Variants in TTN observed in about 807,000 individuals in gnomAD.
The protein encoded by TTN is connectin.
Under a neutral mutation model 3,223.0 loss-of-function variants are expected in TTN, and 1,525 were observed. That is an observed-to-expected ratio of 0.47 (90% CI 0.45 to 0.49). The LOEUF (loss-of-function observed/expected upper bound fraction) is 0.49, where lower values mean the gene tolerates loss of function less well. Ranked by LOEUF, TTN falls within the 20% of genes least tolerant of loss-of-function variation. The pLI, the probability that TTN is intolerant of heterozygous loss-of-function variation, is 0.00. For synonymous variants in TTN, 14,094 were observed against 15,161.0 expected, an observed-to-expected ratio of 0.93 and a Z score of 5.17; for missense variants, 40,786 against 43,424.0, an observed-to-expected ratio of 0.94 and a Z score of 5.40.
rs765570520 is a variant in TTN, at chr2:178,686,113, A to ATTTTTTTTTTTTTTTT, written c.32312-531_32312-516dup. Among the ~76,000 whole-genome samples the ATTTTTTTTTTTTTTTT allele has an allele frequency of 4.4e-4, 34 of 77,800 alleles. 5 individuals are homozygous for ATTTTTTTTTTTTTTTT. Among genetic ancestry groups the ATTTTTTTTTTTTTTTT allele is most frequent in the African/African-American group, 1.9e-3 (28 of 15,086 alleles). 51.0% of individuals were successfully genotyped at this position (77,800 alleles called of 152,430 possible). On this transcript the variant is annotated intron_variant, in intron 127 of 362. Coordinates refer to ENST00000589042, the MANE Select transcript of TTN (RefSeq NM_001267550.2). ...TTGAGCCTAAGTGTATACAGTTTTAATTTTTTTTTTTTTTTTTTTTTTTTT... is the reference window on the plus strand; with the variant it reads ...TTGAGCCTAAGTGTATACAGTTTTAATTTTTTTTTTTTTTTTTTTTTTTTTTTTTTTTTTTTTTTTT...
Position 178,651,710 on chromosome 2 carries a change from G to A in TTN, c.39419C>T (p.Ala13140Val), listed in dbSNP as rs397517556. The A allele has an allele frequency of 4.5e-5, 72 of 1,613,216 alleles. 1 individual carries two copies. The South Asian group carries it at 7.0e-4, about 16-fold the overall frequency. ...AGGTTTTTTGGCAACGACAGCAGGT[G>A]CTTTCTTTTCTGGGACAGGTTTCTT... Reference protein sequence around the residue: ...PPKKPVPEKKAPAVVAKKPEL... With the variant: ...PPKKPVPEKKVPAVVAKKPEL... The change falls in exon 206 of 363, where the codon GCA becomes GTA. Residue 13140 changes from alanine to valine, a missense_variant. By Grantham distance (64) the Ala-to-Val change is moderately conservative. Transcript: ENST00000589042.
intron 349 of TTN, 46 bp from the exon 350 acceptor site, chr2:178,541,630 T>A (rs573996397): frequency 6.7e-7 from 1 of 1,499,348 alleles, no homozygotes; most frequent in South Asian, 1.4e-5. Context: ...ATGAATACGT[T>A]AAAACAATGA....
rs901251232 is a variant in TTN at position 178,694,588 on chromosome 2, A to G, written c.31426+11T>C. On this transcript the variant is annotated intron_variant, in intron 117 of 362. Transcript: ENST00000589042. ...ATTTTGAACTTGTAGCTGAAACACA[A>G]AGATGTATACCTTTCACTTCAATAA... 32 of 1,544,594 alleles carry G rather than the reference A, an allele frequency of 2.1e-5. No individual in the cohort carries two copies. The highest frequency in any genetic ancestry group is 2.4e-5 in the Non-Finnish European group (27 of 1,143,872).
intron 24 of TTN, chr2:178,778,490 G>A (rs1052038402): frequency 5.4e-5 from 17 of 315,568 alleles, no homozygotes; most frequent in South Asian, 3.8e-4. Context: ...TGGCACCACC[G>A]CTTACAGGCT....
rs761842174 is a variant in TTN, at chr2:178,552,702, A to C, written c.90198T>G (p.Val30066=). ...GTTCACCTTTACCTTTCCTTTCTACAACATATTCTGTGATGACGCTACCAC... is the reference window on the plus strand; with the variant it reads ...GTTCACCTTTACCTTTCCTTTCTACCACATATTCTGTGATGACGCTACCAC... ...FDGGSVITEY[V]VERKGKGEQT... The change falls in exon 335 of 363, where the codon GTT becomes GTG. Residue 30066 remains valine (V), a synonymous_variant. Coordinates refer to ENST00000589042, the MANE Select transcript of TTN (RefSeq NM_001267550.2). 71 of 1,613,778 alleles carry C rather than the reference A, an allele frequency of 4.4e-5. No individual in the cohort carries two copies. Among genetic ancestry groups the C allele is most frequent in the Admixed American group, 1.2e-4 (7 of 59,988 alleles).
intron 83 of TTN, 36 bp downstream of exon 83, chr2:178,719,128 G>A (rs762227379): frequency 3.2e-6 from 5 of 1,584,928 alleles, no homozygotes; most frequent in Admixed American, 1.7e-5. Flanking sequence ...TGAAAGAGGT[G>A]TTAGAGAAGC....
chr2:178,539,201 T>C lies in TTN; in HGVS notation c.98734A>G (p.Ser32912Gly). Residue 32912 changes from serine (S) to glycine (G), a missense_variant, in exon 353 of 363, where the codon AGT (serine) becomes GGT (glycine). Transcript: ENST00000589042. ...CGGGACCAGGACAAGCTAACAGAAC[T>C]CTTGGTTACATCGAGTACTTCTGGA... is the stretch of plus-strand genomic sequence containing the variant. Reference protein sequence around the residue: ...NPPEVLDVTKSSVSLSWSRPK... With the variant: ...NPPEVLDVTKGSVSLSWSRPK... 6.2e-7 allele frequency: 1 copy of C among 1,613,794 alleles called. No homozygotes were observed. Among genetic ancestry groups the C allele is most frequent in the Non-Finnish European group, 8.5e-7 (1 of 1,179,750 alleles).
rs1179703111 is a variant in TTN, at chr2:178,560,933, T to C, written c.85199A>G (p.Glu28400Gly). ...SWAKDGIEIEERARTEIISTD... is the reference protein window; with the variant it reads ...SWAKDGIEIEGRARTEIISTD... ...TGAGATGATTTCTGTTCTTGCTCTT[T>C]CTTCAATTTCTATACCATCCTTGGC... The change falls in exon 326 of 363, where the codon GAA becomes GGA. Residue 28400 changes from glutamate (E) to glycine (G), a missense_variant. By Grantham distance (98) the Glu-to-Gly change is moderately conservative. Coordinates refer to ENST00000589042, the MANE Select transcript of TTN (RefSeq NM_001267550.2). 3 of 1,613,740 alleles carry C rather than the reference T, an allele frequency of 1.9e-6. No homozygotes were observed. The highest frequency in any genetic ancestry group is 1.7e-6 in the Non-Finnish European group (2 of 1,179,830).
rs1335123374 is a variant in TTN, at chr2:178,559,855, T to C, written c.86277A>G (p.Glu28759=). ...EEEPLFDIDS[E]MRKTLIVKAG... ...CCTTGACAATCAAGGTCTTCCTCAT[T>C]TCACTGTCAATATCAAATAAAGGTT... is the stretch of plus-strand genomic sequence containing the variant. The change falls in exon 326 of 363, where the codon GAA becomes GAG. Residue 28759 remains glutamate, a synonymous_variant. Coordinates refer to ENST00000589042, the MANE Select transcript of TTN (RefSeq NM_001267550.2). 3 of 1,611,834 alleles carry C rather than the reference T, an allele frequency of 1.9e-6. No homozygotes were observed.
chr2:178,574,307 G>A lies in TTN; in HGVS notation c.71825C>T (p.Thr23942Ile). The A allele has an allele frequency of 6.2e-7, 1 of 1,613,502 alleles. No individual in the cohort carries two copies. Residue 23942 changes from threonine (T) to isoleucine (I), a missense_variant, in exon 326 of 363, where the codon ACA becomes ATA. Thr to Ile is a moderately conservative substitution (Grantham distance 89, BLOSUM62 -1). Coordinates refer to ENST00000589042, the MANE Select transcript of TTN (RefSeq NM_001267550.2). ...VPLNITRHTVTLKWAKPEYTG... is the reference protein window; with the variant it reads ...VPLNITRHTVILKWAKPEYTG... ...ATATTCAGGCTTAGCCCATTTAAGT[G>A]TTACTGTGTGTCTTGTAATATTTAG...
intron 350 of TTN, 42 bp downstream of exon 350, chr2:178,541,240 A>C (rs1461221081): frequency 1.4e-6 from 2 of 1,436,398 alleles, no homozygotes; most frequent in Non-Finnish European, 1.8e-6. Flanking sequence ...CCCACATATA[A>C]ATTGTAACTC....
Position 178,618,595 on chromosome 2 carries a change from A to G in TTN, c.46955T>C (p.Leu15652Ser), listed in dbSNP as rs1203067813. The G allele has an allele frequency of 6.2e-7, 1 of 1,611,704 alleles. No individual in the cohort carries two copies. Among genetic ancestry groups the G allele is most frequent in the African/African-American group, 1.3e-5 (1 of 74,702 alleles). Residue 15652 changes from leucine (L) to serine (S), a missense_variant, in exon 251 of 363, where the codon TTA (leucine) becomes TCA (serine). Physicochemically the swap from Leu to Ser is moderately radical, Grantham distance 145. Transcript: ENST00000589042. ...KHGKAEGFIN[L>S]KVIDVPGPVR... The stretch of plus-strand genomic sequence containing the variant: ...ACCCAAGGGCTTACCAATAACTTTT[A>G]AATTGATGAATCCTTCTGCTTTTCC...
chr2:178,559,530 C>T lies in TTN; in HGVS notation c.86602G>A (p.Val28868Ile), dbSNP rs754143034. 2.5e-6 allele frequency: 4 copies of T among 1,613,824 alleles called. No homozygotes were observed. Among genetic ancestry groups the T allele is most frequent in the Non-Finnish European group, 3.4e-6 (4 of 1,179,758 alleles). The stretch of plus-strand genomic sequence containing the variant: ...GGTGCTCCACCATCGTTTTCAGGAA[C>T]ATCCCAGGATAACACTGCAGACTCT... ...TKESAVLSWD[V>I]PENDGGAPVK... Residue 28868 changes from valine (V) to isoleucine (I), a missense_variant, in exon 326 of 363, where the codon GTT (valine) becomes ATT (isoleucine). Physicochemically the swap from Val to Ile is conservative, Grantham distance 29. Coordinates refer to ENST00000589042, the MANE Select transcript of TTN (RefSeq NM_001267550.2).
Position 178,779,400 on chromosome 2 carries a change from C to G in TTN, c.3792G>C (p.Lys1264Asn). The change falls in exon 23 of 363, where the codon AAG (lysine) becomes AAC (asparagine). Residue 1264 changes from lysine to asparagine, a missense_variant. By Grantham distance (94) the Lys-to-Asn change is moderately conservative (BLOSUM62 0). Coordinates refer to ENST00000589042, the MANE Select transcript of TTN (RefSeq NM_001267550.2). ...CTTCAAGAAGTTCTTCTAATGTAGT[C>G]TTTATTATTCTATATTCAATTTCTT... is the stretch of plus-strand genomic sequence containing the variant. ...LIKEIEYRII[K>N]TTLEELLEED... 1.3e-6 allele frequency: 2 copies of G among 1,591,382 alleles called. No individual in the cohort carries two copies. The highest frequency in any genetic ancestry group is 1.7e-6 in the Non-Finnish European group (2 of 1,161,058).
chr2:178,729,727 A>G lies in TTN; in HGVS notation c.18526T>C (p.Tyr6176His). Residue 6176 changes from tyrosine (Y) to histidine (H), a missense_variant, in exon 63 of 363, where the codon TAT becomes CAT. Transcript: ENST00000589042. ...GCGTCATTTCGAGCTTCACACACAT[A>G]AGTCCCACTATTTTCTACCCTGGCA... ...SGARVENSGT[Y>H]VCEARNDAGT... 6.2e-7 allele frequency: 1 copy of G among 1,613,730 alleles called. No individual in the cohort carries two copies. The highest frequency in any genetic ancestry group is 1.1e-5 in the South Asian group (1 of 91,076).
intron 49 of TTN, chr2:178,737,878 T>G: frequency 1.9e-6 from 1 of 518,330 alleles, no homozygotes; most frequent in Non-Finnish European, 3.2e-6. Context: ...AAATTATTTT[T>G]TCTTTGGTCA....
Position 178,717,396 on chromosome 2 carries a change from A to G in TTN, c.25352-14T>C. The G allele has an allele frequency of 6.3e-7, 1 of 1,596,068 alleles. No individual in the cohort carries two copies. Among genetic ancestry groups the G allele is most frequent in the South Asian group, 1.1e-5 (1 of 89,010 alleles). On this transcript the variant is annotated splice_polypyrimidine_tract_variant and intron_variant, in intron 87 of 362. Coordinates refer to ENST00000589042, the MANE Select transcript of TTN (RefSeq NM_001267550.2). ...GCACTTCATGCTCTGAAAAGAATGAAGACCAACATGGTGATTTTTATTTCC... is the reference window on the plus strand; with the variant it reads ...GCACTTCATGCTCTGAAAAGAATGAGGACCAACATGGTGATTTTTATTTCC...
Position 178,721,130 on chromosome 2 carries a change from C to T in TTN, c.22889G>A (p.Cys7630Tyr). 6.2e-7 allele frequency: 1 copy of T among 1,613,182 alleles called. No homozygotes were observed. The highest frequency in any genetic ancestry group is 8.5e-7 in the Non-Finnish European group (1 of 1,179,286). Residue 7630 changes from cysteine to tyrosine, a missense_variant, in exon 79 of 363, where the codon TGT becomes TAT. Cys to Tyr is a radical substitution (Grantham distance 194). Transcript: ENST00000589042. ...AKQGESIQLECKISGSPEIKV... is the reference protein window; with the variant it reads ...AKQGESIQLEYKISGSPEIKV... Reference sequence around the variant, plus strand: ...GATTTCTGGGGAGCCACTTATTTTACATTCCAGTTGAATGGATTCTCCCTG... The same window carrying T: ...GATTTCTGGGGAGCCACTTATTTTATATTCCAGTTGAATGGATTCTCCCTG...
At chr2:178,630,422 G>A in intron 238 of TTN, 55 bp from the exon 239 acceptor site, 1 of 1,527,024 alleles carries the variant, frequency 6.5e-7, no homozygotes, top group Non-Finnish European at 8.8e-7. Context: ...TTGAAATTTT[G>A]TTCTAAGGAT....
Sources: gnomAD v4.1 joint callset for allele counts (sites outside exome capture counted in the v4.1 genomes callset) on GRCh38, gnomAD v4.1.1 for gene constraint, MANE v1.5 for transcripts, NCBI Gene and HGNC (gene_info 2026-07-23, HGNC 2026-07-21) for gene names.